Variants in OSBPL11 observed in about 807,000 individuals in gnomAD.
The protein encoded by OSBPL11 is oxysterol-binding protein-related protein 11.
OSBPL11 carries 33 observed loss-of-function variants against 84.4 expected under a neutral mutation model. That is an observed-to-expected ratio of 0.39 (90% CI 0.30 to 0.52). The LOEUF is 0.52. Among genes scored for constraint, OSBPL11 ranks in the 20% least tolerant of loss-of-function variants. The pLI is 0.72. For missense variants in OSBPL11, 736 were observed against 901.1 expected (o/e 0.82, Z 2.35); for synonymous variants, 276 against 310.2 (o/e 0.89, Z 1.16).
At chr3:125,569,609 TGATCCAACA>T (rs1375263538) in intron 5 of OSBPL11, among the ~76,000 whole-genome samples, 6 of 152,342 alleles carry the variant, frequency 3.9e-5, no homozygotes, top group African/African-American at 1.4e-4. Context: ...ATATAATTTA[TGATCCAACA>T]ATTACACTCT....
At chr3:125,579,299 C>T (rs190261593) in intron 3 of OSBPL11, among the ~76,000 whole-genome samples, 55 of 152,192 alleles carry the variant, frequency 3.6e-4, no homozygotes, top group African/African-American at 1.2e-3. Flanking sequence ...TGTTGCAACT[C>T]ATAAAAATAG....
At chr3:125,556,615 T>C (rs1252840291) in intron 8 of OSBPL11, among the ~76,000 whole-genome samples, 1 of 152,226 alleles carries the variant, frequency 6.6e-6, no homozygotes, top group Admixed American at 6.5e-5. Flanking sequence ...CTAAACTTTC[T>C]CAATAACTTA....
chr3:125,592,283 C>A (rs1215179950), intron 1 of OSBPL11, among the ~76,000 whole-genome samples: 1 of 152,104 alleles, frequency 6.6e-6, no homozygotes, highest in Non-Finnish European at 1.5e-5. Context: ...AAGTAATGCT[C>A]CCACCTCAGC....
chr3:125,534,297 C>T (rs139863565), intron 11 of OSBPL11, among the ~76,000 whole-genome samples: 5 of 151,734 alleles, frequency 3.3e-5, no homozygotes, highest in Non-Finnish European at 7.4e-5. Flanking sequence ...GCATGAGAAT[C>T]GCTTGAACCA....
At chr3:125,540,104 C>T (rs1580035107) in intron 10 of OSBPL11, among the ~76,000 whole-genome samples, 3 of 152,162 alleles carry the variant, frequency 2.0e-5, no homozygotes, top group Admixed American at 2.0e-4. Flanking sequence ...TAAACCAGAT[C>T]TCTGGAATCT....
Position 125,552,391 on chromosome 3 carries a change from T to C in OSBPL11, c.1444A>G (p.Thr482Ala), listed in dbSNP as rs749158357. 1 of 1,614,022 alleles carries C rather than the reference T, an allele frequency of 6.2e-7. No individual in the cohort carries two copies. Reference protein sequence around the residue: ...VFSSSSTQGVTNHAPLSGESL... With the variant: ...VFSSSSTQGVANHAPLSGESL... ...TCCCCCGATAAAGGAGCATGATTTG[T>C]GACTCCCTGGGTGGAAGAACTGCTA... Residue 482 changes from threonine to alanine, a missense_variant, in exon 9 of 13, where the codon ACA becomes GCA. Transcript: ENST00000296220.
At chr3:125,582,261 G>A (rs184332118) in intron 2 of OSBPL11, among the ~76,000 whole-genome samples, 18 of 152,050 alleles carry the variant, frequency 1.2e-4, no homozygotes, top group Admixed American at 7.9e-4. Flanking sequence ...CTTGAACCCC[G>A]GAGGCAGAGG....
At chr3:125,544,397 T>C (rs1935780082) in intron 10 of OSBPL11, among the ~76,000 whole-genome samples, 3 of 152,152 alleles carry the variant, frequency 2.0e-5, no homozygotes, top group South Asian at 4.1e-4. Flanking sequence ...TGGTTAATTA[T>C]ATCCTATAAA....
intron 10 of OSBPL11, among the ~76,000 whole-genome samples, chr3:125,544,998 T>C (rs1189862346): frequency 6.6e-6 from 1 of 152,218 alleles, no homozygotes; most frequent in African/African-American, 2.4e-5. Flanking sequence ...ATCAGCCTTT[T>C]AGATTTTCTA....
chr3:125,561,388 A>G (rs1047559433), intron 7 of OSBPL11, among the ~76,000 whole-genome samples: 2 of 152,146 alleles, frequency 1.3e-5, no homozygotes, highest in Non-Finnish European at 2.9e-5. Context: ...CTTTTTTCTC[A>G]AAAGACTCTT....
chr3:125,567,762 G>A (rs1276692928), intron 5 of OSBPL11, among the ~76,000 whole-genome samples, 167 bp from the exon 6 acceptor site: 1 of 152,114 alleles, frequency 6.6e-6, no homozygotes, highest in African/African-American at 2.4e-5. Flanking sequence ...GGAGGCTGAG[G>A]TGGGAAGATA....
In OSBPL11 at chr3:125,547,406, C is replaced by T. The variant is rs1559837459; in HGVS notation, c.1841G>A (p.Arg614Gln). Residue 614 changes from arginine (R) to glutamine (Q), a missense_variant and splice_region_variant, in exon 10 of 13, where the codon CGG (arginine) becomes CAG (glutamine). Physicochemically the swap from Arg to Gln is conservative, Grantham distance 43. Transcript: ENST00000296220. Reference sequence around the variant, plus strand: ...TAGATAATCATTAAAATGTTCTTACCGATGCAGTTTGCCACCATAAAATGG... The same window carrying T: ...TAGATAATCATTAAAATGTTCTTACTGATGCAGTTTGCCACCATAAAATGG... ...TKPFYGGKLH[R>Q]VTAEVKHNIT... 2.5e-6 allele frequency: 4 copies of T among 1,610,988 alleles called. No individual in the cohort carries two copies. Among genetic ancestry groups the T allele is most frequent in the Non-Finnish European group, 3.4e-6 (4 of 1,178,418 alleles).
intron 8 of OSBPL11, among the ~76,000 whole-genome samples, chr3:125,552,894 G>C (rs564369200): frequency 3.3e-5 from 5 of 152,190 alleles, no homozygotes; most frequent in South Asian, 2.1e-4. Flanking sequence ...AAGTTGGGAG[G>C]ATTGTTTCAG....
intron 12 of OSBPL11, 138 bp downstream of exon 12, chr3:125,531,723 A>G: frequency 1.2e-6 from 1 of 809,408 alleles, no homozygotes; most frequent in Non-Finnish European, 1.8e-6. Context: ...CTGGTCTCAA[A>G]AACAGTTGGT....
At chr3:125,546,161 T>C (rs1935809851) in intron 10 of OSBPL11, among the ~76,000 whole-genome samples, 1 of 145,676 alleles carries the variant, frequency 6.9e-6, no homozygotes, top group South Asian at 2.1e-4. Context: ...CTATTTCGTT[T>C]TTTTTGTGTG....
At chr3:125,581,130 T>C (rs1335511402) in intron 2 of OSBPL11, among the ~76,000 whole-genome samples, 1 of 151,914 alleles carries the variant, frequency 6.6e-6, no homozygotes, top group Non-Finnish European at 1.5e-5. Context: ...TCGTGCTCTG[T>C]TGCCCAGGCT....
intron 5 of OSBPL11, among the ~76,000 whole-genome samples, chr3:125,567,855 C>A (rs935541): frequency 0.56 from 85,047 of 151,576 alleles, 25,402 homozygotes; most frequent in African/African-American, 0.78. Context: ...TTAGTCAGGC[C>A]TGGTGGCACA....
chr3:125,594,513 G>T (rs1164349525), intron 1 of OSBPL11, 124 bp downstream of exon 1: 1 of 1,118,872 alleles, frequency 8.9e-7, no homozygotes, highest in Non-Finnish European at 1.3e-6. Flanking sequence ...CAAACGAGAT[G>T]TATCAGTAGC....
chr3:125,578,727 C>T (rs958763410), intron 4 of OSBPL11, among the ~76,000 whole-genome samples: 6 of 151,602 alleles, frequency 4.0e-5, no homozygotes, highest in South Asian at 4.2e-4. Context: ...GACAAGATTG[C>T]GCCACTGCAC....
Sources: gnomAD v4.1 joint callset for allele counts (sites outside exome capture counted in the v4.1 genomes callset) on GRCh38, gnomAD v4.1.1 for gene constraint, MANE v1.5 for transcripts, NCBI Gene and HGNC (gene_info 2026-07-23, HGNC 2026-07-21) for gene names.